GLI2: variants seen among roughly 807,000 people sequenced by gnomAD.
GLI2 encodes the protein transcription activator GLI2.
Under a neutral mutation model 78.9 loss-of-function variants are expected in GLI2, and 22 were observed. That is an observed-to-expected ratio of 0.28 (90% confidence interval 0.20 to 0.40). The LOEUF is 0.40. Ranked by LOEUF, GLI2 falls within the 10% of genes least tolerant of loss-of-function variation. The pLI is 1.00. For missense variants in GLI2, 2,097 were observed against 2,213.2 expected, an observed-to-expected ratio of 0.95 and a Z score of 1.05; for synonymous variants, 974 against 963.7, an observed-to-expected ratio of 1.01 and a Z score of -0.20.
intron 2 of GLI2, chr2:120,867,481 C>T (rs1688197881): frequency 6.6e-6 from 1 of 152,330 alleles, no homozygotes; most frequent in Non-Finnish European, 1.5e-5. Context: ...GTTCCCTGCG[C>T]TCCAGCCCGG....
chr2:120,813,150 G>T (rs935849061), intron 2 of GLI2, among the ~76,000 whole-genome samples: 2 of 152,236 alleles, frequency 1.3e-5, no homozygotes, highest in African/African-American at 4.8e-5. Flanking sequence ...GTCCTGGCAG[G>T]GCCGGGGTGG....
intron 1 of GLI2, among the ~76,000 whole-genome samples, chr2:120,774,731 G>A (rs556293458): frequency 1.3e-5 from 2 of 152,168 alleles, no homozygotes; most frequent in Non-Finnish European, 2.9e-5. Flanking sequence ...TTTTGACAAG[G>A]CCTGTGTGCT....
rs1684089363 is a variant in GLI2, at chr2:120,789,504, T to C, written c.-30-7787T>C. ...ACTGGAAGCCACAGGGCAGACTGGA[T>C]GGTCACCAGGAAGCCTCCTCTGACC... is the stretch of plus-strand genomic sequence containing the variant. On this transcript the variant is annotated intron_variant, in intron 1 of 13. Coordinates refer to ENST00000361492, the MANE Select transcript of GLI2 (RefSeq NM_001374353.1). Among the ~76,000 whole-genome samples, 3 of 152,272 alleles carry C rather than the reference T, an allele frequency of 2.0e-5. No homozygotes were observed. The South Asian group carries it at 6.2e-4, about 32-fold the overall frequency.
chr2:120,930,757 G>A (rs1376265362), intron 3 of GLI2, among the ~76,000 whole-genome samples: 1 of 152,244 alleles, frequency 6.6e-6, no homozygotes, highest in Non-Finnish European at 1.5e-5. Flanking sequence ...CAGCTTGACA[G>A]CCCTGGCTAC....
chr2:120,874,386 T>C (rs537794907), intron 2 of GLI2, among the ~76,000 whole-genome samples: 22 of 152,354 alleles, frequency 1.4e-4, no homozygotes, highest in Admixed American at 2.6e-4. Context: ...CAAAGTAGGA[T>C]GGTGAGGGTT....
intron 2 of GLI2, among the ~76,000 whole-genome samples, chr2:120,816,823 A>G (rs1685518840): frequency 6.6e-6 from 1 of 152,216 alleles, no homozygotes; most frequent in Non-Finnish European, 1.5e-5. Flanking sequence ...GAGATAGAAA[A>G]GAGGAGGGTA....
intron 13 of GLI2, 73 bp downstream of exon 13, chr2:120,986,687 C>A: frequency 1.6e-6 from 2 of 1,216,116 alleles, no homozygotes; most frequent in Non-Finnish European, 2.4e-6. Context: ...CTGGCACCCA[C>A]CAAGCACCAG....
At position 120,990,357 on chromosome 2, in the gene GLI2, C is replaced by T; in HGVS notation, c.4392C>T (p.Asp1464=). ...SQPPQPQACQ[D]SIQPQPLPSP... ...CACCACAGCCACAGGCCTGTCAGGA[C>T]AGCATCCAGCCCCAGCCCTTGCCCT... The change falls in exon 14 of 14, where the codon GAC becomes GAT. Residue 1464 remains aspartate, a synonymous_variant. Transcript: ENST00000361492. The T allele has an allele frequency of 1.2e-6, 2 of 1,614,044 alleles. No individual in the cohort carries two copies. The highest frequency in any genetic ancestry group is 2.2e-5 in the East Asian group (1 of 44,882).
intron 1 of GLI2, among the ~76,000 whole-genome samples, chr2:120,795,467 G>A (rs370210890): frequency 6.6e-6 from 1 of 151,528 alleles, no homozygotes; most frequent in South Asian, 2.1e-4. Context: ...AGGTTGCAGT[G>A]AGCTGAGGTC....
At chr2:120,921,149 C>T (rs1339199505) in intron 2 of GLI2, among the ~76,000 whole-genome samples, 2 of 152,150 alleles carry the variant, frequency 1.3e-5, no homozygotes, top group African/African-American at 2.4e-5. Context: ...GTGGGACAAT[C>T]CGTGCTGGTC....
intron 11 of GLI2, 59 bp from the exon 12 acceptor site, chr2:120,984,412 C>A: frequency 1.9e-6 from 3 of 1,562,942 alleles, no homozygotes; most frequent in South Asian, 2.2e-5. Context: ...AGGGAGAGCG[C>A]CCCTTCAGAG....
At chr2:120,812,669 G>A (rs1369256970) in intron 2 of GLI2, among the ~76,000 whole-genome samples, 1 of 152,158 alleles carries the variant, frequency 6.6e-6, no homozygotes, top group African/African-American at 2.4e-5. Flanking sequence ...TCTGTCTGGG[G>A]ACATCACCTT....
intron 2 of GLI2, among the ~76,000 whole-genome samples, chr2:120,801,520 T>A (rs1684707206): frequency 6.6e-6 from 1 of 152,234 alleles, no homozygotes; most frequent in African/African-American, 2.4e-5. Flanking sequence ...CTGTGGAACA[T>A]CTTGAATGGA....
chr2:120,845,627 G>T (rs1488330319), intron 2 of GLI2, among the ~76,000 whole-genome samples: 1 of 152,204 alleles, frequency 6.6e-6, no homozygotes, highest in East Asian at 1.9e-4. Flanking sequence ...GCAGTCGGGA[G>T]CCCCGGTCAG....
At chr2:120,938,698 C>A (rs1680307685) in intron 3 of GLI2, among the ~76,000 whole-genome samples, 1 of 152,194 alleles carries the variant, frequency 6.6e-6, no homozygotes, top group Non-Finnish European at 1.5e-5. Context: ...TGCGTGTTTG[C>A]TGCAGACGGG....
chr2:120,936,975 AGCACT>A (rs1158060246), intron 3 of GLI2, among the ~76,000 whole-genome samples: 1 of 152,230 alleles, frequency 6.6e-6, no homozygotes, highest in Non-Finnish European at 1.5e-5. Context: ...CACTGCAGCC[AGCACT>A]GATGGTATGT....
At chr2:120,756,439 T>A (rs866988292) in intron 1 of GLI2, among the ~76,000 whole-genome samples, 5 of 152,230 alleles carry the variant, frequency 3.3e-5, no homozygotes, top group Middle Eastern at 3.2e-3. Flanking sequence ...TTTATACATG[T>A]GTTTATGTCA....
intron 2 of GLI2, among the ~76,000 whole-genome samples, chr2:120,828,861 C>CAA (rs3053863): frequency 0.013 from 1,631 of 125,930 alleles, 76 homozygotes; most frequent in African/African-American, 0.045. Flanking sequence ...CTTCCAACTC[C>CAA]AAAAAAAAAA....
rs982788524 is a variant in GLI2, at chr2:120,861,016, G to A, written c.148+63548G>A. 2.6e-5 allele frequency among the ~76,000 whole-genome samples: 4 copies of A among 152,322 alleles called. No individual in the cohort carries two copies. In the East Asian group the frequency reaches 7.7e-4, roughly 29 times the overall value. On this transcript the variant is annotated intron_variant, in intron 2 of 13. Transcript: ENST00000361492. ...ATGATGATGAATGAGGCAGAAGCTG[G>A]ACCACTCTGCCTTTAAAATCCTGAA...
Sources: gnomAD v4.1 joint callset for allele counts (sites outside exome capture counted in the v4.1 genomes callset) on GRCh38, gnomAD v4.1.1 for gene constraint, MANE v1.5 for transcripts, NCBI Gene and HGNC (gene_info 2026-07-23, HGNC 2026-07-21) for gene names.